Variants in LSAMP observed in about 807,000 individuals in gnomAD.
LSAMP encodes the protein limbic system-associated membrane protein.
Under a neutral mutation model 38.6 loss-of-function variants are expected in LSAMP, and 7 were observed. That is an observed-to-expected ratio of 0.18 (90% CI 0.10 to 0.34). The LOEUF (loss-of-function observed/expected upper bound fraction) is 0.34. Ranked by LOEUF, LSAMP falls within the 10% of genes least tolerant of loss-of-function variation. The pLI, the probability that LSAMP is intolerant of heterozygous loss-of-function variation, is 1.00. For missense variants in LSAMP, 313 were observed against 420.0 expected, an observed-to-expected ratio of 0.75 and a Z score of 2.23; for synonymous variants, 154 against 166.8, an observed-to-expected ratio of 0.92 and a Z score of 0.59.
chr3:116,389,976 A>G (rs991992731), intron 1 of LSAMP, among the ~76,000 whole-genome samples: 2 of 152,214 alleles, frequency 1.3e-5, no homozygotes, highest in African/African-American at 4.8e-5. Flanking sequence ...AAAGGGTGAC[A>G]GTTTTAGCTG....
At chr3:116,288,424 A>G (rs2047220151) in intron 1 of LSAMP, among the ~76,000 whole-genome samples, 1 of 152,200 alleles carries the variant, frequency 6.6e-6, no homozygotes, top group Admixed American at 6.5e-5. Context: ...CATCATGACC[A>G]TTACAAGCAA....
intron 1 of LSAMP, among the ~76,000 whole-genome samples, chr3:116,219,933 G>A (rs2046262183): frequency 6.6e-6 from 1 of 152,122 alleles, no homozygotes; most frequent in South Asian, 2.1e-4. Flanking sequence ...CCAGCACTTT[G>A]AGAGGCCAAA....
intron 1 of LSAMP, among the ~76,000 whole-genome samples, chr3:116,194,577 TA>T (rs1710836768): frequency 1.3e-5 from 2 of 152,146 alleles, no homozygotes; most frequent in African/African-American, 2.4e-5. Flanking sequence ...TCGTGTTTTT[TA>T]GTAGAGACGG....
intron 2 of LSAMP, among the ~76,000 whole-genome samples, chr3:116,043,530 G>T (rs1483090633): frequency 6.6e-6 from 1 of 152,176 alleles, no homozygotes; most frequent in Non-Finnish European, 1.5e-5. Context: ...ATCACAGTGT[G>T]AAATGCTATC....
chr3:115,935,564 C>G (rs1937671759), intron 3 of LSAMP, among the ~76,000 whole-genome samples: 1 of 152,152 alleles, frequency 6.6e-6, no homozygotes, highest in Non-Finnish European at 1.5e-5. Context: ...GTTCTCTATT[C>G]TCCTGGGAAA....
intron 2 of LSAMP, among the ~76,000 whole-genome samples, chr3:116,024,485 G>A (rs1291048656): frequency 1.3e-5 from 2 of 152,130 alleles, no homozygotes; most frequent in African/African-American, 4.8e-5. Context: ...TTAACCATGA[G>A]GCAGAGGAGT....
At chr3:115,849,062 AAC>A in intron 4 of LSAMP, among the ~76,000 whole-genome samples, 1 of 152,338 alleles carries the variant, frequency 6.6e-6, no homozygotes, top group East Asian at 1.9e-4. Flanking sequence ...GCAATGAAAG[AAC>A]AGAGTGTCCC....
At position 115,809,382 on chromosome 3, in the gene LSAMP, T is replaced by G. The variant is rs1441182866; in HGVS notation, c.*935A>C. On this transcript the variant is annotated 3_prime_UTR_variant, in exon 7 of 7. Transcript: ENST00000490035. ...ACTGATGCCATGTGACAGCCATGGA[T>G]GTAGGGAGGACTCTGCTCCTTGCCT... is the stretch of plus-strand genomic sequence containing the variant. 1.3e-5 allele frequency: 2 copies of G among 152,668 alleles called. No homozygotes were observed. The highest frequency in any genetic ancestry group is 1.3e-4 in the Admixed American group (2 of 15,280). The allele number at this position is 152,668 out of a possible 1,614,324, so 9.5% of individuals were successfully genotyped here. A position where few individuals can be genotyped will look rare whatever the true frequency, so the allele number is the denominator to read the frequency against.
intron 6 of LSAMP, among the ~76,000 whole-genome samples, chr3:115,817,822 A>T (rs1176581457): frequency 6.6e-6 from 1 of 152,218 alleles, no homozygotes; most frequent in East Asian, 1.9e-4. Context: ...CTATTAATAT[A>T]TAAAACAATG....
chr3:116,047,599 T>C (rs887173165), intron 2 of LSAMP, among the ~76,000 whole-genome samples: 2 of 152,126 alleles, frequency 1.3e-5, no homozygotes, highest in Non-Finnish European at 2.9e-5. Flanking sequence ...TTGATCCTTT[T>C]GCCTCCTTGG....
intron 1 of LSAMP, among the ~76,000 whole-genome samples, chr3:116,412,594 C>T (rs1369817096): frequency 2.0e-5 from 3 of 152,032 alleles, no homozygotes; most frequent in Non-Finnish European, 4.4e-5. Context: ...GAAGCATCTT[C>T]AGAAATCATG....
intron 1 of LSAMP, among the ~76,000 whole-genome samples, chr3:116,113,430 T>A (rs1259468120): frequency 1.7e-5 from 2 of 119,736 alleles, no homozygotes; most frequent in African/African-American, 3.5e-5. Flanking sequence ...ATTTTTTTTT[T>A]TTTTTTTTTT....
chr3:116,380,228 A>T (rs2048539795), intron 1 of LSAMP, among the ~76,000 whole-genome samples: 1 of 152,050 alleles, frequency 6.6e-6, no homozygotes, highest in South Asian at 2.1e-4. Context: ...AGGGCTGAAC[A>T]TAGTATTTGG....
chr3:115,841,997 AG>A lies in LSAMP; in HGVS notation c.771-5del. On this transcript the variant is annotated splice_polypyrimidine_tract_variant and splice_region_variant and intron_variant, in intron 5 of 6. Transcript: ENST00000490035. Reference sequence around the variant, plus strand: ...AAGGCCATTGGCACTATTTATCCTAAGAGTTCAAAAACAGAAGAATAGAAAG... The same window carrying A: ...AAGGCCATTGGCACTATTTATCCTAAAGTTCAAAAACAGAAGAATAGAAAG... 6 of 1,607,072 alleles carry A rather than the reference AG, an allele frequency of 3.7e-6. No individual in the cohort carries two copies. The highest frequency in any genetic ancestry group is 4.2e-6 in the Non-Finnish European group (5 of 1,178,232).
intron 3 of LSAMP, among the ~76,000 whole-genome samples, chr3:115,854,062 A>C (rs950263091): frequency 1.3e-5 from 2 of 152,002 alleles, no homozygotes; most frequent in African/African-American, 4.8e-5. Flanking sequence ...AACTCTCTGG[A>C]TATTCCAAGC....
intron 6 of LSAMP, among the ~76,000 whole-genome samples, chr3:115,828,623 T>C (rs1349451126): frequency 6.6e-6 from 1 of 152,206 alleles, no homozygotes; most frequent in Non-Finnish European, 1.5e-5. Context: ...TGGGGCAGCA[T>C]GCCAACATTT....
intron 1 of LSAMP, among the ~76,000 whole-genome samples, chr3:116,316,778 G>GAAAAAAAAAAAAAAAAAAAAAA (rs35294836): frequency 8.4e-6 from 1 of 119,010 alleles, no homozygotes. Context: ...CTCAAAAAAA[G>GAAAAAAAAAAAAAAAAAAAAAA]AAAAAAAAAA....
At chr3:116,403,338 A>T (rs369955401) in intron 1 of LSAMP, among the ~76,000 whole-genome samples, 1 of 152,116 alleles carries the variant, frequency 6.6e-6, no homozygotes, top group African/African-American at 2.4e-5. Flanking sequence ...TAAACAAGGT[A>T]TTTCTATTTC....
intron 3 of LSAMP, among the ~76,000 whole-genome samples, chr3:115,996,343 G>T (rs1271576939): frequency 6.6e-6 from 1 of 151,930 alleles, no homozygotes; most frequent in African/African-American, 2.4e-5. Context: ...TCTACTTCTG[G>T]GCTGACATAT....
Sources: allele counts gnomAD v4.1 joint callset (sites outside exome capture counted in the v4.1 genomes callset), GRCh38; gene constraint gnomAD v4.1.1; transcripts MANE v1.5; gene names NCBI Gene and HGNC (gene_info 2026-07-23, HGNC 2026-07-21).